MARK3: variants seen among roughly 807,000 people sequenced by gnomAD.
MARK3 encodes MAP/microtubule affinity-regulating kinase 3.
A neutral mutation model predicts 90.1 loss-of-function variants in MARK3; 46 were observed. The ratio of observed to expected loss-of-function variants is 0.51; its 90% confidence interval spans 0.40 to 0.65. The LOEUF (loss-of-function observed/expected upper bound fraction) is 0.65, where lower values mean the gene tolerates loss of function less well. Among genes scored for constraint, MARK3 ranks in the 30% least tolerant of loss-of-function variants. The probability of loss-of-function intolerance (pLI) is 0.00; values close to 1 mark genes in which losing one functional copy is unlikely to be tolerated. For synonymous variants in MARK3, 321 were observed against 332.6 expected (o/e 0.97, Z 0.38); for missense variants, 818 against 947.2 (o/e 0.86, Z 1.79).
At position 103,481,046 on chromosome 14, in the gene MARK3, A is replaced by T. The variant is rs140906663; in HGVS notation, c.1586+556A>T. ...AGCAAGCATACATAGGATGAGCGTGACTTTAAAAAGACAATGATGTTACAT... is the reference window on the plus strand; with the variant it reads ...AGCAAGCATACATAGGATGAGCGTGTCTTTAAAAAGACAATGATGTTACAT... On this transcript the variant is annotated intron_variant, in intron 14 of 17. Coordinates refer to ENST00000429436, the MANE Select transcript of MARK3 (RefSeq NM_001128918.3). Among the ~76,000 whole-genome samples the T allele has an allele frequency of 4.6e-5, 7 of 152,348 alleles. No individual in the cohort carries two copies. The East Asian group carries it at 1.2e-3, about 25-fold the overall frequency.
intron 12 of MARK3, among the ~76,000 whole-genome samples, chr14:103,470,824 ACTGCACAGGG>A (rs1178760378): frequency 6.6e-6 from 1 of 152,092 alleles, no homozygotes; most frequent in Admixed American, 6.6e-5. Context: ...GACACTTAGG[ACTGCACAGGG>A]CATTTTAGGT....
chr14:103,389,318 T>C (rs11628305), intron 1 of MARK3, among the ~76,000 whole-genome samples: 149,810 of 150,396 alleles, frequency 1, 74,622 homozygotes, highest in Middle Eastern at 1. Context: ...GAGCCGAGAT[T>C]GGGCCACCAC....
rs193263705 is a variant in MARK3 at position 103,431,000 on chromosome 14, A to G, written c.297+2560A>G. ...CAAATGCACACCACAGCATCTGGCT[A>G]TATACCTTCCAATGTCTCACTAGTA... On this transcript the variant is annotated intron_variant, in intron 3 of 17. Transcript: ENST00000429436. 6.9e-4 allele frequency among the ~76,000 whole-genome samples: 105 copies of G among 152,250 alleles called. 1 individual carries two copies. The highest frequency in any genetic ancestry group is 1.1e-3 in the Non-Finnish European group (74 of 68,018).
chr14:103,418,219 CTTTTTTTTTTTTTT>C lies in MARK3; in HGVS notation c.244-10158_244-10145del, dbSNP rs36012703. Among the ~76,000 whole-genome samples the C allele has an allele frequency of 4.2e-3, 256 of 61,674 alleles. 2 individuals are homozygous for C. Among genetic ancestry groups the C allele is most frequent in the African/African-American group, 0.014 (251 of 17,378 alleles). 40.5% of individuals were successfully genotyped at this position (61,674 alleles called of 152,430 possible). A position where few individuals can be genotyped will look rare whatever the true frequency, so the allele number is the denominator to read the frequency against. ...GCTGACTCCCTGAGAATAGTAAAGGCTTTTTTTTTTTTTTTTTTTTTTTAGCTCTTTTATAAAGT... is the reference window on the plus strand; with the variant it reads ...GCTGACTCCCTGAGAATAGTAAAGGCTTTTTTTTTAGCTCTTTTATAAAGT... On this transcript the variant is annotated intron_variant, in intron 2 of 17. Coordinates refer to ENST00000429436, the MANE Select transcript of MARK3 (RefSeq NM_001128918.3).
chr14:103,499,998 TGA>T, intron 16 of MARK3, 156 bp from the exon 17 acceptor site: 1 of 664,830 alleles, frequency 1.5e-6, no homozygotes, highest in Non-Finnish European at 2.7e-6. Context: ...CTCAGTCAAA[TGA>T]GAGGAAGAGT....
intron 16 of MARK3, chr14:103,499,159 A>G (rs1388527066): frequency 1.3e-5 from 2 of 152,316 alleles, no homozygotes; most frequent in East Asian, 1.9e-4. Flanking sequence ...CACTACAGAA[A>G]GTGGTGTTCT....
At position 103,484,759 on chromosome 14, in the gene MARK3, T is replaced by C. The variant is rs1437765717; in HGVS notation, c.1586+4269T>C. 3.2e-4 allele frequency among the ~76,000 whole-genome samples: 3 copies of C among 9,396 alleles called. No homozygotes were observed. The Non-Finnish European group carries it at 0.013, about 41-fold the overall frequency. The allele number at this position is 9,396 out of a possible 152,430, so 6.2% of individuals were successfully genotyped here. A position where few individuals can be genotyped will look rare whatever the true frequency, so the allele number is the denominator to read the frequency against. ...CATCCTGACCAACATGGTGAAACCC[T>C]GTCTAAAATTAATTAGCTGGGCGTG... On this transcript the variant is annotated intron_variant, in intron 14 of 17. Transcript: ENST00000429436.
At chr14:103,436,393 T>A (rs865998346) in intron 3 of MARK3, among the ~76,000 whole-genome samples, 8 of 147,622 alleles carry the variant, frequency 5.4e-5, no homozygotes, top group Middle Eastern at 3.4e-3. Flanking sequence ...ACTCTTTTCA[T>A]CTTTTTCTTT....
At chr14:103,477,186 T>C (rs1457517798) in intron 13 of MARK3, among the ~76,000 whole-genome samples, 2 of 152,154 alleles carry the variant, frequency 1.3e-5, no homozygotes, top group East Asian at 3.8e-4. Context: ...GTTTAAAAAT[T>C]ATCTGATAAA....
At chr14:103,389,575 T>C (rs1251186989) in intron 1 of MARK3, among the ~76,000 whole-genome samples, 1 of 51,376 alleles carries the variant, frequency 1.9e-5, no homozygotes, top group Non-Finnish European at 3.6e-5. Flanking sequence ...ATTATCTTCA[T>C]CCTTGTACAC....
At chr14:103,431,539 G>A (rs1205253228) in intron 3 of MARK3, among the ~76,000 whole-genome samples, 2 of 152,154 alleles carry the variant, frequency 1.3e-5, no homozygotes, top group Admixed American at 6.5e-5. Flanking sequence ...GCTGAGGCAG[G>A]AGAATTGCTT....
At chr14:103,502,842 C>T (rs2142194235) in intron 17 of MARK3, 40 bp from the exon 18 acceptor site, 1 of 1,526,760 alleles carries the variant, frequency 6.5e-7, no homozygotes, top group Non-Finnish European at 9.0e-7. Flanking sequence ...GGTTGATTTT[C>T]CTGTACGATT....
At chr14:103,412,989 C>G (rs2091745809) in intron 2 of MARK3, among the ~76,000 whole-genome samples, 1 of 151,844 alleles carries the variant, frequency 6.6e-6, no homozygotes, top group African/African-American at 2.4e-5. Context: ...ATTCTCCCAC[C>G]TCAGCCTCCC....
chr14:103,419,875 G>T (rs1214355457), intron 2 of MARK3, among the ~76,000 whole-genome samples: 2 of 152,088 alleles, frequency 1.3e-5, no homozygotes, highest in Non-Finnish European at 2.9e-5. Context: ...GGGTGAACTG[G>T]CCCAGAAACG....
intron 7 of MARK3, 94 bp from the exon 8 acceptor site, chr14:103,465,460 TATC>T: frequency 1.3e-6 from 1 of 792,542 alleles, no homozygotes; most frequent in Non-Finnish European, 2.1e-6. Context: ...GGTAACTTCA[TATC>T]ATTACAGAAA....
chr14:103,448,854 G>A, intron 3 of MARK3, 65 bp from the exon 4 acceptor site: 1 of 1,428,970 alleles, frequency 7.0e-7, no homozygotes, highest in Non-Finnish European at 9.5e-7. Context: ...TATTACAACA[G>A]TGGAATATAA....
chr14:103,465,901 T>C, intron 8 of MARK3, 71 bp from the exon 9 acceptor site: 1 of 1,570,626 alleles, frequency 6.4e-7, no homozygotes, highest in Non-Finnish European at 8.6e-7. Flanking sequence ...TCAGGGGGTT[T>C]TTTGTTGTGT....
chr14:103,415,150 CAAAAAAAAAAAAAAA>C (rs34245934), intron 2 of MARK3, among the ~76,000 whole-genome samples: 8 of 37,708 alleles, frequency 2.1e-4, no homozygotes, highest in Non-Finnish European at 3.4e-4. Flanking sequence ...GACCTTGTCT[CAAAAAAAAAAAAAAA>C]AAAAAAAAAA....
At chr14:103,424,433 G>A (rs749986802) in intron 2 of MARK3, among the ~76,000 whole-genome samples, 16 of 151,562 alleles carry the variant, frequency 1.1e-4, no homozygotes, top group East Asian at 1.9e-4. Flanking sequence ...GCTGAGGTGG[G>A]ATGATCACCT....
Sources: allele counts gnomAD v4.1 joint callset (sites outside exome capture counted in the v4.1 genomes callset), GRCh38; gene constraint gnomAD v4.1.1; transcripts MANE v1.5; gene names NCBI Gene and HGNC (gene_info 2026-07-23, HGNC 2026-07-21).